DMD: variants seen among roughly 807,000 people sequenced by gnomAD.
DMD encodes dystrophin, also known as mutant dystrophin.
A neutral mutation model predicts 330.1 loss-of-function variants in DMD; 63 were observed. The ratio of observed to expected loss-of-function variants is 0.19; its 90% confidence interval spans 0.16 to 0.24. The LOEUF (loss-of-function observed/expected upper bound fraction) is 0.24, where lower values mean the gene tolerates loss of function less well. Among genes scored for constraint, DMD ranks in the 10% least tolerant of loss-of-function variants. The probability of loss-of-function intolerance (pLI) is 1.00; values close to 1 mark genes in which losing one functional copy is unlikely to be tolerated. For missense variants in DMD, 3,344 were observed against 2,684.1 expected, an observed-to-expected ratio of 1.25 and a Z score of -5.43; for synonymous variants, 1,223 against 959.8, an observed-to-expected ratio of 1.27 and a Z score of -5.07.
At chrX:32,014,438 C>T (rs757118067) in intron 44 of DMD, among the ~76,000 whole-genome samples, 133 of 111,243 alleles carry the variant, frequency 1.2e-3, no homozygotes, top group Non-Finnish European at 2.0e-3. Flanking sequence ...CCTTGGGCCT[C>T]GACCAAATCA....
chrX:32,042,188 T>C (rs1382228748), intron 44 of DMD, among the ~76,000 whole-genome samples: 2 of 43,938 alleles, frequency 4.6e-5, no homozygotes, highest in African/African-American at 1.6e-4. Flanking sequence ...TATACATACA[T>C]ATACACACAC....
intron 44 of DMD, among the ~76,000 whole-genome samples, chrX:32,028,120 TG>T (rs1481279451): frequency 8.9e-6 from 1 of 111,735 alleles, no homozygotes; most frequent in Non-Finnish European, 1.9e-5. Context: ...ACTGTTCAAA[TG>T]AAAACAAGTG....
intron 63 of DMD, among the ~76,000 whole-genome samples, chrX:31,239,165 A>T (rs778050670): frequency 5.4e-5 from 6 of 111,936 alleles, no homozygotes; most frequent in African/African-American, 1.9e-4. Context: ...CTTACAAATA[A>T]ACTTGGAACA....
chrX:32,281,038 T>C (rs1184479692), intron 43 of DMD, among the ~76,000 whole-genome samples: 1 of 112,167 alleles, frequency 8.9e-6, no homozygotes, highest in Non-Finnish European at 1.9e-5. Flanking sequence ...TTTCATTTTC[T>C]CATTTTTCTT....
intron 34 of DMD, among the ~76,000 whole-genome samples, chrX:32,370,490 T>G (rs768343992): frequency 6.8e-4 from 76 of 111,289 alleles, no homozygotes; most frequent in African/African-American, 2.4e-3. Context: ...GTATTGTTTA[T>G]TAAAGAAGAA....
At chrX:32,410,890 C>T (rs1289173189) in intron 30 of DMD, among the ~76,000 whole-genome samples, 1 of 111,946 alleles carries the variant, frequency 8.9e-6, no homozygotes. Flanking sequence ...TTTTAATTCT[C>T]ATTCTAGAAA....
At chrX:32,706,255 G>T (rs2064636085) in intron 7 of DMD, among the ~76,000 whole-genome samples, 1 of 67,670 alleles carries the variant, frequency 1.5e-5, no homozygotes, top group Non-Finnish European at 2.7e-5. Flanking sequence ...AGGGGGGAGG[G>T]ATAGCATTAG....
chrX:32,367,393 G>A (rs888440317), intron 34 of DMD, among the ~76,000 whole-genome samples: 3 of 112,286 alleles, frequency 2.7e-5, no homozygotes, highest in African/African-American at 9.7e-5. Flanking sequence ...GCATCTCGCT[G>A]TAGTTGATTT....
At chrX:33,215,375 T>G (rs1243886106), upstream of DMD, among the ~76,000 whole-genome samples, 1 of 109,508 alleles carries the variant, frequency 9.1e-6, no homozygotes, top group Non-Finnish European at 1.9e-5. Context: ...TTTTAATGAA[T>G]GTATTTGTAT....
chrX:32,043,360 T>C (rs1217020173), intron 44 of DMD, among the ~76,000 whole-genome samples: 1 of 105,904 alleles, frequency 9.4e-6, no homozygotes, highest in African/African-American at 3.4e-5. Flanking sequence ...TAACACTTAA[T>C]GGATTCCATA....
chrX:31,260,744 T>C (rs1368175627), intron 63 of DMD, among the ~76,000 whole-genome samples: 1 of 112,120 alleles, frequency 8.9e-6, no homozygotes, highest in Non-Finnish European at 1.9e-5. Flanking sequence ...ATTGAATTTT[T>C]AGGAATCAAT....
At chrX:32,132,993 C>CTTTTTTTTTTTTTTTTTT (rs377615262) in intron 44 of DMD, among the ~76,000 whole-genome samples, 9 of 75,973 alleles carry the variant, frequency 1.2e-4, no homozygotes, top group Admixed American at 8.4e-4. Flanking sequence ...CTTTTCTTTT[C>CTTTTTTTTTTTTTTTTTT]TTTTTTTTTT....
At chrX:31,154,773 G>C (rs1369211082) in intron 74 of DMD, among the ~76,000 whole-genome samples, 1 of 111,179 alleles carries the variant, frequency 9.0e-6, no homozygotes, top group Non-Finnish European at 1.9e-5. Context: ...ATCAGACAAC[G>C]ACTCCACAGA....
At chrX:32,015,285 G>A (rs2095751911) in intron 44 of DMD, among the ~76,000 whole-genome samples, 1 of 111,649 alleles carries the variant, frequency 9.0e-6, no homozygotes, top group African/African-American at 3.3e-5. Flanking sequence ...TTAACCCACA[G>A]TTTTCTTGGC....
chrX:32,378,676 A>C (rs1276406386), intron 34 of DMD, among the ~76,000 whole-genome samples: 3 of 111,237 alleles, frequency 2.7e-5, no homozygotes, highest in Admixed American at 1.9e-4. Flanking sequence ...TAAAATAATA[A>C]AAAAGAAATT....
chrX:33,093,590 G>T (rs1158746978), intron 1 of DMD, among the ~76,000 whole-genome samples: 1 of 111,263 alleles, frequency 9.0e-6, no homozygotes, highest in Non-Finnish European at 1.9e-5. Flanking sequence ...ATTTTATTAT[G>T]TCTCCAAATC....
chrX:31,973,902 A>C (rs1381694855), intron 44 of DMD, among the ~76,000 whole-genome samples: 1 of 111,664 alleles, frequency 9.0e-6, no homozygotes. Flanking sequence ...TACAGATTCA[A>C]CTTTTAACTA....
chrX:32,117,263 G>C (rs1015350442), intron 44 of DMD, among the ~76,000 whole-genome samples: 1 of 110,543 alleles, frequency 9.0e-6, no homozygotes, highest in Non-Finnish European at 1.9e-5. Flanking sequence ...CTCACTCCTA[G>C]TTGGGAGTCA....
chrX:31,167,452 C>T (rs752660498), intron 74 of DMD, among the ~76,000 whole-genome samples: 2 of 111,998 alleles, frequency 1.8e-5, no homozygotes, highest in East Asian at 2.8e-4. Flanking sequence ...TAACCACAAA[C>T]GAGGCAGGGC....
Sources: gnomAD v4.1 joint callset for allele counts (sites outside exome capture counted in the v4.1 genomes callset) on GRCh38, gnomAD v4.1.1 for gene constraint, MANE v1.5 for transcripts, NCBI Gene and HGNC (gene_info 2026-07-23, HGNC 2026-07-21) for gene names.